The following RHOQ variants were observed in gnomAD, a reference collection of about 807,000 sequenced individuals.
RHOQ encodes the protein rho-related GTP-binding protein RhoQ.
In RHOQ, 7 loss-of-function variants were observed where a neutral mutation model predicts 25.8. The observed-to-expected ratio is 0.27, with a 90% CI of 0.15 to 0.51. The LOEUF (loss-of-function observed/expected upper bound fraction) is 0.51, where lower values mean the gene tolerates loss of function less well. Ranked by LOEUF, RHOQ falls within the 20% of genes least tolerant of loss-of-function variation. The probability of loss-of-function intolerance (pLI) is 0.97; values close to 1 mark genes in which losing one functional copy is unlikely to be tolerated. For missense variants in RHOQ, 165 were observed against 260.6 expected (o/e 0.63, Z 2.53); for synonymous variants, 97 against 98.6 (o/e 0.98, Z 0.10).
intron 2 of RHOQ, among the ~76,000 whole-genome samples, chr2:46,550,152 G>A (rs185353643): frequency 7.2e-5 from 11 of 151,762 alleles, no homozygotes; most frequent in Non-Finnish European, 1.5e-5. Flanking sequence ...AGGATCACTT[G>A]AGTGCAGGAA....
intron 2 of RHOQ, chr2:46,560,590 G>A (rs901398490): frequency 3.5e-5 from 16 of 456,124 alleles, no homozygotes; most frequent in African/African-American, 2.2e-4. Context: ...CTGGGGTCAC[G>A]TGATCACGTT....
chr2:46,553,153 A>T (rs756482264), intron 2 of RHOQ, among the ~76,000 whole-genome samples: 29 of 152,136 alleles, frequency 1.9e-4, no homozygotes, highest in Non-Finnish European at 3.4e-4. Flanking sequence ...GGTGATTGTG[A>T]CGCAGGCTAA....
intron 2 of RHOQ, among the ~76,000 whole-genome samples, chr2:46,549,522 A>G (rs560338788): frequency 4.6e-5 from 7 of 152,336 alleles, no homozygotes; most frequent in African/African-American, 1.7e-4. Context: ...ACACAACAGC[A>G]ATGCTTCAGC....
chr2:46,571,024 A>G (rs549539541), intron 2 of RHOQ, among the ~76,000 whole-genome samples: 9 of 152,336 alleles, frequency 5.9e-5, no homozygotes, highest in African/African-American at 1.7e-4. Flanking sequence ...TTTCAGACAG[A>G]GAAACTAAGG....
intron 2 of RHOQ, among the ~76,000 whole-genome samples, chr2:46,573,312 G>A (rs991694996): frequency 3.9e-5 from 6 of 152,042 alleles, no homozygotes; most frequent in Admixed American, 1.3e-4. Flanking sequence ...GTCCCACCTC[G>A]GCCTCCCAAA....
intron 2 of RHOQ, among the ~76,000 whole-genome samples, chr2:46,575,075 T>C (rs979890188): frequency 9.2e-5 from 14 of 152,228 alleles, no homozygotes; most frequent in African/African-American, 2.2e-4. Context: ...CAAAAAAGGA[T>C]ATTCACTGCC....
chr2:46,560,255 T>A (rs555896191), intron 2 of RHOQ, among the ~76,000 whole-genome samples: 32 of 152,330 alleles, frequency 2.1e-4, no homozygotes, highest in African/African-American at 7.7e-4. Flanking sequence ...TTTTTTTGCC[T>A]TTTAGCTTCT....
intron 2 of RHOQ, chr2:46,568,176 C>T (rs1668794216): frequency 6.6e-6 from 1 of 152,130 alleles, no homozygotes; most frequent in Non-Finnish European, 1.5e-5. Context: ...AAAGGTGTTC[C>T]ATGGTGAGCA....
intron 2 of RHOQ, among the ~76,000 whole-genome samples, chr2:46,573,701 T>G (rs1669012768): frequency 6.6e-6 from 1 of 152,246 alleles, no homozygotes; most frequent in African/African-American, 2.4e-5. Flanking sequence ...GGCATTCAAT[T>G]AGTTTTTATT....
In RHOQ at chr2:46,569,980, A is replaced by T. The variant is rs1343534419; in HGVS notation, c.202-6107A>T. Among the ~76,000 whole-genome samples, 2 of 152,362 alleles carry T rather than the reference A, an allele frequency of 1.3e-5. No individual in the cohort carries two copies. Among genetic ancestry groups the T allele is most frequent in the East Asian group, 3.9e-4 (2 of 5,188 alleles). ...AGTGGTAGGCAAATTCAGTAAACTC[A>T]TCACTGGTGAGTTTTGAACCAAACT... On this transcript the variant is annotated intron_variant, in intron 2 of 4. Transcript: ENST00000238738. The surrounding 1 kb of genome is among the most constrained non-coding windows in gnomAD (Gnocchi z 4.1).
At chr2:46,546,586 A>T (rs1668077856) in intron 2 of RHOQ, among the ~76,000 whole-genome samples, 1 of 142,432 alleles carries the variant, frequency 7.0e-6, no homozygotes, top group Non-Finnish European at 1.5e-5. Flanking sequence ...GCTTTGGAAC[A>T]AAACAGGCCT....
rs915461173 is a variant in RHOQ, at chr2:46,566,167, AT to A, written c.202-9919del. Among the ~76,000 whole-genome samples, 24 of 152,256 alleles carry A rather than the reference AT, an allele frequency of 1.6e-4. No homozygotes were observed. The highest frequency in any genetic ancestry group is 5.8e-4 in the African/African-American group (24 of 41,546). ...TTGAGTGGTGATATCTTCTAGTGAG[AT>A]GGTGAATACAGGAGGAGTTGCAGTT... On this transcript the variant is annotated intron_variant, in intron 2 of 4. Transcript: ENST00000238738. This position sits in a 1 kb window ranked among gnomAD's most constrained non-coding sequence, Gnocchi z 4.2.
intron 2 of RHOQ, among the ~76,000 whole-genome samples, chr2:46,554,385 C>A (rs1668348189): frequency 6.6e-6 from 1 of 152,120 alleles, no homozygotes; most frequent in South Asian, 2.1e-4. Context: ...GGCTGTGCGC[C>A]CAGTAGGCTC....
rs1298647071 is a variant in RHOQ at position 46,583,159 on chromosome 2, G to C, written c.*2076G>C. 1 of 152,026 alleles carries C rather than the reference G, an allele frequency of 6.6e-6. No homozygotes were observed. Among genetic ancestry groups the C allele is most frequent in the Non-Finnish European group, 1.5e-5 (1 of 67,986 alleles). 9.4% of individuals were successfully genotyped at this position (152,026 alleles called of 1,614,324 possible). ...ATGAGGATTTTTTTTGGTGGGGGGAGGGGGCTCCAATTCATATCTCTGAAA... is the reference window on the plus strand; with the variant it reads ...ATGAGGATTTTTTTTGGTGGGGGGACGGGGCTCCAATTCATATCTCTGAAA... On this transcript the variant is annotated 3_prime_UTR_variant, in exon 5 of 5. Coordinates refer to ENST00000238738, the MANE Select transcript of RHOQ (RefSeq NM_012249.4).
intron 2 of RHOQ, among the ~76,000 whole-genome samples, chr2:46,561,339 C>A (rs1297951744): frequency 6.6e-6 from 1 of 151,846 alleles, no homozygotes; most frequent in African/African-American, 2.4e-5. Context: ...GGGGCCCAGG[C>A]AAGACAGAGT....
In RHOQ at chr2:46,580,909, T is replaced by C. The variant is rs192379142; in HGVS notation, c.463-19T>C. The C allele has an allele frequency of 1.4e-5, 20 of 1,455,554 alleles. No individual in the cohort carries two copies. Among genetic ancestry groups the C allele is most frequent in the Non-Finnish European group, 1.8e-5 (20 of 1,102,362 alleles). 90.2% of individuals were successfully genotyped at this position (1,455,554 alleles called of 1,614,324 possible). A position where few individuals can be genotyped will look rare whatever the true frequency, so the allele number is the denominator to read the frequency against. On this transcript the variant is annotated intron_variant, in intron 4 of 4. Transcript: ENST00000238738. ...TAAACATGATCTTATATATTTGTGA[T>C]TTTTTTTCTCCCTCCCAGATAGGAG...
intron 2 of RHOQ, among the ~76,000 whole-genome samples, chr2:46,572,114 T>C (rs1249293203): frequency 7.5e-6 from 1 of 132,710 alleles, no homozygotes; most frequent in African/African-American, 3.0e-5. Context: ...TGTGTTTTTT[T>C]TTTTTTTTTT....
chr2:46,544,961 T>C (rs955880654), intron 2 of RHOQ, among the ~76,000 whole-genome samples: 7 of 152,240 alleles, frequency 4.6e-5, no homozygotes, highest in Non-Finnish European at 1.0e-4. Flanking sequence ...TAGATTTGGA[T>C]TTCAGAACTG....
intron 4 of RHOQ, 64 bp from the exon 5 acceptor site, chr2:46,580,864 T>G: frequency 1.7e-6 from 2 of 1,193,588 alleles, no homozygotes; most frequent in Non-Finnish European, 2.2e-6. Flanking sequence ...TAATGATGTG[T>G]TTATGTCATG....
Sources: gnomAD v4.1 joint callset for allele counts (sites outside exome capture counted in the v4.1 genomes callset) on GRCh38, gnomAD v4.1.1 for gene constraint, Gnocchi (gnomAD v3.1) non-coding constraint, MANE v1.5 for transcripts, NCBI Gene and HGNC (gene_info 2026-07-23, HGNC 2026-07-21) for gene names.